The following TTLL5 variants were observed in gnomAD, a reference collection of about 807,000 sequenced individuals.
TTLL5 encodes the protein tubulin polyglutamylase TTLL5.
Under a neutral mutation model 168.4 loss-of-function variants are expected in TTLL5, and 132 were observed. The observed-to-expected ratio is 0.78, with a 90% CI of 0.68 to 0.91. The LOEUF is 0.91. TTLL5 is among the 40% of genes least tolerant of loss of function. The probability of loss-of-function intolerance (pLI) is 0.00; values close to 1 mark genes in which losing one functional copy is unlikely to be tolerated. For synonymous variants in TTLL5, 546 were observed against 558.6 expected (o/e 0.98, Z 0.32); for missense variants, 1,545 against 1,581.5 (o/e 0.98, Z 0.39).
intron 5 of TTLL5, 69 bp downstream of exon 5, chr14:75,683,725 GTAAT>G: frequency 8.2e-7 from 1 of 1,215,802 alleles, no homozygotes. Flanking sequence ...GCCAGCAAAG[GTAAT>G]TAGTGTCCTT....
chr14:75,927,593 A>G (rs1255643003), intron 31 of TTLL5, among the ~76,000 whole-genome samples: 2 of 152,204 alleles, frequency 1.3e-5, no homozygotes, highest in African/African-American at 4.8e-5. Context: ...CGTCCAACAA[A>G]TAATTTGACT....
intron 12 of TTLL5, 150 bp downstream of exon 12, chr14:75,720,853 C>G: frequency 1.5e-6 from 1 of 677,000 alleles, no homozygotes; most frequent in Non-Finnish European, 2.6e-6. Flanking sequence ...TATGAAGAGC[C>G]TACTAAGAGG....
chr14:75,801,541 C>T (rs1350428789), intron 27 of TTLL5, among the ~76,000 whole-genome samples: 2 of 151,992 alleles, frequency 1.3e-5, no homozygotes, highest in Admixed American at 6.5e-5. Context: ...CCCTGTTGTG[C>T]TATCAAATAC....
At chr14:75,914,202 CA>C (rs924136111) in intron 31 of TTLL5, among the ~76,000 whole-genome samples, 3 of 151,018 alleles carry the variant, frequency 2.0e-5, no homozygotes, top group Non-Finnish European at 4.4e-5. Flanking sequence ...CAAAGTTTAA[CA>C]CTTCTTCAGA....
At chr14:75,877,917 TG>T (rs1203443017) in intron 29 of TTLL5, among the ~76,000 whole-genome samples, 1 of 152,246 alleles carries the variant, frequency 6.6e-6, no homozygotes, top group African/African-American at 2.4e-5. Flanking sequence ...AGTGTGTTCC[TG>T]GGTTTCTTCT....
At position 75,681,650 on chromosome 14, in the gene TTLL5, A is replaced by G. The variant is rs772600489; in HGVS notation, c.264+23A>G. The stretch of plus-strand genomic sequence containing the variant: ...GAAGTAAGTTTATTTTTAATACCTC[A>G]CCTGATCTGCTCATAAGCTGAAAAT... On this transcript the variant is annotated intron_variant, in intron 4 of 31. Transcript: ENST00000298832. 3.8e-6 allele frequency: 6 copies of G among 1,599,706 alleles called. No individual in the cohort carries two copies. In the East Asian group the frequency reaches 8.9e-5, roughly 24 times the overall value.
chr14:75,944,552 A>T (rs1477571953), intron 31 of TTLL5, among the ~76,000 whole-genome samples: 8 of 152,158 alleles, frequency 5.3e-5, no homozygotes, highest in Admixed American at 5.2e-4. Context: ...ACTGACCTTC[A>T]TCCATTTTCC....
At chr14:75,832,594 T>A (rs1895633165) in intron 28 of TTLL5, among the ~76,000 whole-genome samples, 1 of 152,204 alleles carries the variant, frequency 6.6e-6, no homozygotes, top group African/African-American at 2.4e-5. Flanking sequence ...TCATGGGAAT[T>A]CGATGAGATC....
At chr14:75,857,126 A>T (rs192214794) in intron 28 of TTLL5, among the ~76,000 whole-genome samples, 3 of 152,246 alleles carry the variant, frequency 2.0e-5, no homozygotes, top group Admixed American at 2.0e-4. Context: ...TTCTTGTCTT[A>T]AACTGGCTAG....
chr14:75,816,418 G>A (rs1894400712), intron 27 of TTLL5, among the ~76,000 whole-genome samples: 1 of 152,110 alleles, frequency 6.6e-6, no homozygotes, highest in Admixed American at 6.6e-5. Context: ...CTCCAAACAA[G>A]AAAATAAAAC....
At chr14:75,834,278 T>A (rs1895754244) in intron 28 of TTLL5, among the ~76,000 whole-genome samples, 1 of 152,152 alleles carries the variant, frequency 6.6e-6, no homozygotes, top group Non-Finnish European at 1.5e-5. Context: ...AGTGCAGTGT[T>A]GTGGGAGCAT....
chr14:75,865,664 T>G (rs2030461642), intron 29 of TTLL5, among the ~76,000 whole-genome samples: 1 of 152,194 alleles, frequency 6.6e-6, no homozygotes, highest in Non-Finnish European at 1.5e-5. Context: ...TAGAAACTGC[T>G]TCATTTTTAA....
In TTLL5 at chr14:75,681,583, A is replaced by G. The variant is rs1299199670; in HGVS notation, c.220A>G (p.Ser74Gly). 1 of 1,613,604 alleles carries G rather than the reference A, an allele frequency of 6.2e-7. No individual in the cohort carries two copies. The highest frequency in any genetic ancestry group is 1.3e-5 in the African/African-American group (1 of 75,050). ...HLSYKIVRTD[S>G]RLVRSILTAH... ...GTCTTATAAGATTGTACGAACGGAC[A>G]GTCGCCTAGTACGCAGCATTCTGAC... Residue 74 changes from serine (S) to glycine (G), a missense_variant, in exon 4 of 32, where the codon AGT (serine) becomes GGT (glycine). Ser to Gly is a moderately conservative substitution (Grantham distance 56). Coordinates refer to ENST00000298832, the MANE Select transcript of TTLL5 (RefSeq NM_015072.5).
chr14:75,673,806 A>C (rs1005348393), intron 3 of TTLL5, among the ~76,000 whole-genome samples: 8 of 152,130 alleles, frequency 5.3e-5, no homozygotes, highest in Middle Eastern at 6.3e-3. Context: ...CTTCCTCCCC[A>C]AGGATCCTTG....
chr14:75,763,949 TTGC>T (rs1409154573), intron 18 of TTLL5, among the ~76,000 whole-genome samples: 1 of 152,138 alleles, frequency 6.6e-6, no homozygotes, highest in African/African-American at 2.4e-5. Context: ...CCCTGCCACC[TTGC>T]TCCACCTTCT....
chr14:75,954,001 C>T (rs570732845), intron 31 of TTLL5, among the ~76,000 whole-genome samples: 34 of 152,172 alleles, frequency 2.2e-4, no homozygotes, highest in African/African-American at 7.7e-4. Context: ...GTAATCCCAG[C>T]ACTTTGGGAG....
At chr14:75,778,544 T>C (rs931721437) in intron 23 of TTLL5, among the ~76,000 whole-genome samples, 1 of 152,222 alleles carries the variant, frequency 6.6e-6, no homozygotes, top group Non-Finnish European at 1.5e-5. Context: ...TTGGCTACTT[T>C]GAAGACTTTA....
chr14:75,734,297 A>C (rs1237096020), intron 14 of TTLL5, among the ~76,000 whole-genome samples: 1 of 152,240 alleles, frequency 6.6e-6, no homozygotes, highest in Non-Finnish European at 1.5e-5. Flanking sequence ...GAAGAGAATT[A>C]GCAAAGATCT....
chr14:75,786,356 T>A (rs879439896), intron 26 of TTLL5, among the ~76,000 whole-genome samples: 33 of 152,364 alleles, frequency 2.2e-4, no homozygotes, highest in African/African-American at 7.7e-4. Flanking sequence ...AAGAGAATGA[T>A]AGTGAACAAA....
Sources: gnomAD v4.1 joint callset for allele counts (sites outside exome capture counted in the v4.1 genomes callset) on GRCh38, gnomAD v4.1.1 for gene constraint, MANE v1.5 for transcripts, NCBI Gene and HGNC (gene_info 2026-07-23, HGNC 2026-07-21) for gene names.